The following ESRRB variants were observed in gnomAD, a reference collection of about 807,000 sequenced individuals.
ESRRB encodes steroid hormone receptor ERR2.
ESRRB carries 16 observed loss-of-function variants against 46.0 expected under a neutral mutation model. The observed-to-expected ratio is 0.35, with a 90% CI of 0.24 to 0.53. ESRRB has a LOEUF of 0.53. ESRRB is among the 20% of genes least tolerant of loss of function. ESRRB has a pLI of 0.93. For missense variants in ESRRB, 488 were observed against 607.4 expected (o/e 0.80, Z 2.07); for synonymous variants, 246 against 259.6 (o/e 0.95, Z 0.50).
At chr14:76,373,631 C>G (rs1010305681), upstream of ESRRB, among the ~76,000 whole-genome samples, 1 of 152,194 alleles carries the variant, frequency 6.6e-6, no homozygotes. Context: ...TAGGGTGTCC[C>G]GGCGGCTGGC....
intron 1 of ESRRB, among the ~76,000 whole-genome samples, chr14:76,336,761 A>C: frequency 6.6e-6 from 1 of 152,178 alleles, no homozygotes; most frequent in East Asian, 1.9e-4. Context: ...CACGCATTCC[A>C]GCAAATGTAT....
chr14:76,338,550 T>C (rs1186136138), intron 1 of ESRRB, among the ~76,000 whole-genome samples: 1 of 152,254 alleles, frequency 6.6e-6, no homozygotes, highest in African/African-American at 2.4e-5. Context: ...GGGTATGAAA[T>C]TGTGGCATAT....
intron 1 of ESRRB, among the ~76,000 whole-genome samples, chr14:76,419,689 C>T (rs1370494545): frequency 6.6e-6 from 1 of 152,120 alleles, no homozygotes; most frequent in African/African-American, 2.4e-5. Flanking sequence ...AGGTCGTATT[C>T]TATATTGATC....
At chr14:76,349,708 G>A (rs1422305977) in intron 1 of ESRRB, among the ~76,000 whole-genome samples, 1 of 152,188 alleles carries the variant, frequency 6.6e-6, no homozygotes, top group Non-Finnish European at 1.5e-5. Flanking sequence ...ATTCCGTAGA[G>A]GCAGGTCATT....
intron 1 of ESRRB, chr14:76,310,978 T>TTCTCCCTCTCTCTCTCTCTC: frequency 2.8e-6 from 1 of 360,394 alleles, no homozygotes; most frequent in Non-Finnish European, 5.3e-6. Flanking sequence ...TCTGTCCCCT[T>TTCTCCCTCTCTCTCTCTCTC]TCTCTCTCTC....
In ESRRB at chr14:76,498,430, T is replaced by G; in HGVS notation, c.1337T>G (p.Phe446Cys). The G allele has an allele frequency of 6.2e-7, 1 of 1,613,456 alleles. No homozygotes were observed. Among genetic ancestry groups the G allele is most frequent in the Non-Finnish European group, 8.5e-7 (1 of 1,180,008 alleles). ...GGCAAAGTGCCCATGCACAAACTCT[T>G]CCTGGAGATGCTGGAGGCCAAGGTG... ...LQGKVPMHKL[F>C]LEMLEAKV Residue 446 changes from phenylalanine (F) to cysteine (C), a missense_variant, in exon 7 of 7, where the codon TTC becomes TGC. Physicochemically the swap from Phe to Cys is radical, Grantham distance 205. Coordinates refer to ENST00000644823, the MANE Select transcript of ESRRB (RefSeq NM_001379180.1).
intron 2 of ESRRB, among the ~76,000 whole-genome samples, chr14:76,453,131 G>A (rs1378934135): frequency 1.3e-5 from 2 of 152,214 alleles, no homozygotes; most frequent in African/African-American, 2.4e-5. Flanking sequence ...GCTCAAATTT[G>A]AGAACTGGTG....
chr14:76,412,837 G>T (rs993587256), intron 1 of ESRRB, among the ~76,000 whole-genome samples: 1 of 152,178 alleles, frequency 6.6e-6, no homozygotes, highest in East Asian at 1.9e-4. Flanking sequence ...CAGAAGGCCC[G>T]AGTTGCAGTG....
At chr14:76,412,079 A>G (rs1886468075) in intron 1 of ESRRB, among the ~76,000 whole-genome samples, 1 of 152,132 alleles carries the variant, frequency 6.6e-6, no homozygotes, top group South Asian at 2.1e-4. Flanking sequence ...AAGTGAGTCC[A>G]TTTGTATTCC....
At chr14:76,447,788 G>T (rs1016523103) in intron 2 of ESRRB, among the ~76,000 whole-genome samples, 1 of 151,892 alleles carries the variant, frequency 6.6e-6, no homozygotes, top group Non-Finnish European at 1.5e-5. Flanking sequence ...CAGATCACTT[G>T]ACCCAGCAGC....
chr14:76,362,885 C>G (rs1338966010), intron 1 of ESRRB, among the ~76,000 whole-genome samples: 1 of 152,190 alleles, frequency 6.6e-6, no homozygotes, highest in Non-Finnish European at 1.5e-5. Flanking sequence ...AATGACTACT[C>G]AGGGCTCTTT....
intron 1 of ESRRB, among the ~76,000 whole-genome samples, chr14:76,327,181 G>A (rs996162768): frequency 6.6e-6 from 1 of 152,228 alleles, no homozygotes; most frequent in Non-Finnish European, 1.5e-5. Context: ...AAGAGGCCTG[G>A]TGTCCTGGTG....
At chr14:76,338,599 G>T (rs1359696395) in intron 1 of ESRRB, among the ~76,000 whole-genome samples, 1 of 152,192 alleles carries the variant, frequency 6.6e-6, no homozygotes. Flanking sequence ...CGAAGAGAGG[G>T]GTATAGCTTA....
intron 1 of ESRRB, among the ~76,000 whole-genome samples, chr14:76,329,732 AGTCC>A (rs1883979655): frequency 6.6e-6 from 1 of 152,102 alleles, no homozygotes; most frequent in South Asian, 2.1e-4. Flanking sequence ...ATGGCCGCTC[AGTCC>A]GTCCTGCCGT....
intron 1 of ESRRB, among the ~76,000 whole-genome samples, chr14:76,389,300 A>T (rs1290834913): frequency 2.6e-5 from 4 of 152,162 alleles, no homozygotes; most frequent in African/African-American, 9.7e-5. Flanking sequence ...TCTCTGTCTC[A>T]TGCCCCTGAC....
chr14:76,483,926 T>C (rs1043276706), intron 5 of ESRRB, among the ~76,000 whole-genome samples: 6 of 152,226 alleles, frequency 3.9e-5, no homozygotes, highest in African/African-American at 1.4e-4. Flanking sequence ...CGATCTCGGC[T>C]CACTGCAACC....
chr14:76,486,177 T>C lies in ESRRB; in HGVS notation c.850+3418T>C, dbSNP rs1020821080. ...GAGATCAAGAGCTAGCTGACTTTAA[T>C]AGGCAGTGGGGAATCACTTGATGAA... On this transcript the variant is annotated intron_variant, in intron 5 of 6. Coordinates refer to ENST00000644823, the MANE Select transcript of ESRRB (RefSeq NM_001379180.1). 3.9e-5 allele frequency among the ~76,000 whole-genome samples: 6 copies of C among 152,230 alleles called. No individual in the cohort carries two copies. The East Asian group carries it at 5.8e-4, about 15-fold the overall frequency.
intron 2 of ESRRB, among the ~76,000 whole-genome samples, chr14:76,440,929 T>A (rs148139318): frequency 6.1e-4 from 93 of 152,230 alleles, no homozygotes; most frequent in African/African-American, 2.1e-3. Flanking sequence ...ATGCCTGTAA[T>A]CTCAGCTACT....
intron 1 of ESRRB, among the ~76,000 whole-genome samples, chr14:76,315,682 A>G (rs1022802553): frequency 3.9e-5 from 6 of 152,200 alleles, no homozygotes; most frequent in African/African-American, 1.4e-4. Flanking sequence ...ACACCATTAA[A>G]GACAGGCTCC....
Sources: allele counts gnomAD v4.1 joint callset (sites outside exome capture counted in the v4.1 genomes callset), GRCh38; gene constraint gnomAD v4.1.1; transcripts MANE v1.5; gene names NCBI Gene and HGNC (gene_info 2026-07-23, HGNC 2026-07-21).